GNAI1: variants seen among roughly 807,000 people sequenced by gnomAD.
The protein encoded by GNAI1 is guanine nucleotide-binding protein G(i) subunit alpha-1.
GNAI1 carries 11 observed loss-of-function variants against 38.9 expected under a neutral mutation model. The observed-to-expected ratio is 0.28, with a 90% confidence interval of 0.18 to 0.47. The LOEUF (loss-of-function observed/expected upper bound fraction) is 0.47. GNAI1 is among the 20% of genes least tolerant of loss of function. The pLI is 0.99. For synonymous variants in GNAI1, 166 were observed against 145.1 expected (o/e 1.14, Z -1.04); for missense variants, 317 against 436.9 (o/e 0.73, Z 2.45).
rs767761770 is a variant in GNAI1, at chr7:80,149,557, C to T, written c.118+14279C>T. Among the ~76,000 whole-genome samples the T allele has an allele frequency of 5.3e-5, 8 of 152,098 alleles. No homozygotes were observed. In the East Asian group the frequency reaches 1.5e-3, roughly 29 times the overall value. The stretch of plus-strand genomic sequence containing the variant: ...GGATAACAATGGCTTCCCATTGTTA[C>T]TTTAATCTGCAATTTTGGATTTGCT... On this transcript the variant is annotated intron_variant, in intron 1 of 7. Coordinates refer to ENST00000649796, the MANE Select transcript of GNAI1 (RefSeq NM_002069.6).
In GNAI1 at chr7:80,220,233, ATTAC is replaced by A. The variant is rs58476002; in HGVS notation, c.*2746_*2749del. On this transcript the variant is annotated 3_prime_UTR_variant, in exon 8 of 8. Coordinates refer to ENST00000649796, the MANE Select transcript of GNAI1 (RefSeq NM_002069.6). ...ACCTGGGCTTTCCTCCAAGTACTGT[ATTAC>A]TTACTACATGTGATATGCTTAGAGC... 0.27 allele frequency among the ~76,000 whole-genome samples: 40,264 copies of A among 151,938 alleles called. 6,630 individuals are homozygous for A. The highest frequency in any genetic ancestry group is 0.47 in the African/African-American group (19,429 of 41,344).
At chr7:80,206,984 AG>A (rs1302383099) in intron 5 of GNAI1, among the ~76,000 whole-genome samples, 1 of 152,064 alleles carries the variant, frequency 6.6e-6, no homozygotes, top group African/African-American at 2.4e-5. Flanking sequence ...ACCAGGAGTA[AG>A]GGGGAGCTAC....
At chr7:80,215,023 ACT>A (rs1321306836) in intron 7 of GNAI1, among the ~76,000 whole-genome samples, 1 of 150,924 alleles carries the variant, frequency 6.6e-6, no homozygotes, top group African/African-American at 2.4e-5. Flanking sequence ...CTCAAACAGA[ACT>A]CTTTTTCTTG....
At chr7:80,149,404 G>T (rs942165970) in intron 1 of GNAI1, among the ~76,000 whole-genome samples, 1 of 152,040 alleles carries the variant, frequency 6.6e-6, no homozygotes, top group Admixed American at 6.6e-5. Context: ...TAAAGCTTAT[G>T]ATGTGTATAG....
intron 1 of GNAI1, among the ~76,000 whole-genome samples, chr7:80,184,754 G>T (rs1788360726): frequency 6.6e-6 from 1 of 152,126 alleles, no homozygotes; most frequent in African/African-American, 2.4e-5. Context: ...CTGGTCAGGT[G>T]GAACCCTCTC....
At chr7:80,147,183 G>A (rs1666907828) in intron 1 of GNAI1, among the ~76,000 whole-genome samples, 1 of 152,084 alleles carries the variant, frequency 6.6e-6, no homozygotes, top group Admixed American at 6.6e-5. Flanking sequence ...GGTAATGTTT[G>A]TGATAAAATT....
At chr7:80,204,553 GT>G (rs1788740585) in intron 5 of GNAI1, among the ~76,000 whole-genome samples, 1 of 152,148 alleles carries the variant, frequency 6.6e-6, no homozygotes, top group South Asian at 2.1e-4. Flanking sequence ...GAGGAGAACT[GT>G]TGGACTTAAA....
intron 3 of GNAI1, among the ~76,000 whole-genome samples, chr7:80,190,810 G>T (rs1361008262): frequency 1.3e-5 from 2 of 152,138 alleles, no homozygotes; most frequent in African/African-American, 4.8e-5. Context: ...AGGAGATCAT[G>T]AAGGGTCAAT....
intron 6 of GNAI1, among the ~76,000 whole-genome samples, chr7:80,212,494 G>A (rs553220855): frequency 2.0e-5 from 3 of 152,316 alleles, no homozygotes; most frequent in Admixed American, 1.3e-4. Flanking sequence ...CATATAGTGG[G>A]CACTTGGCAA....
At chr7:80,186,478 TAGC>T (rs1040209661) in intron 1 of GNAI1, among the ~76,000 whole-genome samples, 4 of 152,208 alleles carry the variant, frequency 2.6e-5, no homozygotes, top group African/African-American at 7.2e-5. Flanking sequence ...TAATATCTAA[TAGC>T]AGGAAAATTT....
intron 1 of GNAI1, among the ~76,000 whole-genome samples, chr7:80,179,262 G>A (rs1017778075): frequency 6.6e-6 from 1 of 152,056 alleles, no homozygotes; most frequent in Non-Finnish European, 1.5e-5. Context: ...TCCATCTTTA[G>A]CATGCATCAG....
rs1158700818 is a variant in GNAI1, at chr7:80,223,108, C to A, written c.*5615C>A. ...TTTCTAACTGAATGCATACCAGTTT[C>A]GCACCAATGTAAAGTTGAAAAATTG... On this transcript the variant is annotated 3_prime_UTR_variant, in exon 8 of 8. Coordinates refer to ENST00000649796, the MANE Select transcript of GNAI1 (RefSeq NM_002069.6). 6.6e-6 allele frequency among the ~76,000 whole-genome samples: 1 copy of A among 152,140 alleles called. No individual in the cohort carries two copies. The highest frequency in any genetic ancestry group is 1.5e-5 in the Non-Finnish European group (1 of 68,024).
chr7:80,226,141 G>A lies in GNAI1; in HGVS notation c.*8648G>A, dbSNP rs574727960. Among the ~76,000 whole-genome samples the A allele has an allele frequency of 6.6e-6, 1 of 151,962 alleles. No individual in the cohort carries two copies. The highest frequency in any genetic ancestry group is 1.5e-5 in the Non-Finnish European group (1 of 67,994). The stretch of plus-strand genomic sequence containing the variant: ...TTTATATCAACTTAATTGTCTTTTG[G>A]TTTAAAATTATGTATCCAATAAAGA... On this transcript the variant is annotated 3_prime_UTR_variant, in exon 8 of 8. Coordinates refer to ENST00000649796, the MANE Select transcript of GNAI1 (RefSeq NM_002069.6).
In GNAI1 at chr7:80,175,261, C is replaced by T. The variant is rs573193394; in HGVS notation, c.119-13690C>T. Among the ~76,000 whole-genome samples, 55 of 152,194 alleles carry T rather than the reference C, an allele frequency of 3.6e-4. No individual in the cohort carries two copies. In the East Asian group the frequency reaches 9.8e-3, roughly 27 times the overall value. ...AAATAAAAATATTTAAAAACTTGTT[C>T]CTGCTACTGGCATCTCGGCGTCTTC... On this transcript the variant is annotated intron_variant, in intron 1 of 7. Transcript: ENST00000649796.
At chr7:80,186,788 A>G (rs999762975) in intron 1 of GNAI1, among the ~76,000 whole-genome samples, 1 of 152,144 alleles carries the variant, frequency 6.6e-6, no homozygotes, top group Admixed American at 6.5e-5. Flanking sequence ...ACAGTACTCT[A>G]GAAACCCAGA....
Position 80,203,650 on chromosome 7 carries a change from A to G in GNAI1, c.462-54A>G, listed in dbSNP as rs1788726453. The G allele has an allele frequency of 4.4e-6, 5 of 1,138,578 alleles. No individual in the cohort carries two copies. In the Admixed American group the frequency reaches 1.2e-4, roughly 27 times the overall value. The allele number at this position is 1,138,578 out of a possible 1,614,324, so 70.5% of individuals were successfully genotyped here. On this transcript the variant is annotated intron_variant, in intron 4 of 7. Coordinates refer to ENST00000649796, the MANE Select transcript of GNAI1 (RefSeq NM_002069.6). The stretch of plus-strand genomic sequence containing the variant: ...TGTGTTTTAATTTTTGTTTTGGATG[A>G]TCTTTATTGGCTATATTTACCATTA...
intron 1 of GNAI1, among the ~76,000 whole-genome samples, chr7:80,151,571 A>G (rs548123957): frequency 2.0e-5 from 3 of 152,230 alleles, no homozygotes; most frequent in East Asian, 1.9e-4. Context: ...CTCTAATTGC[A>G]AAGTCCTCAT....
intron 5 of GNAI1, among the ~76,000 whole-genome samples, chr7:80,204,621 C>T (rs888742356): frequency 2.6e-5 from 4 of 152,136 alleles, no homozygotes; most frequent in Non-Finnish European, 5.9e-5. Context: ...TACAGCCTTC[C>T]TGGTCAGTTA....
chr7:80,203,677 C>T (rs575020607), intron 4 of GNAI1, 27 bp from the exon 5 acceptor site: 6 of 1,464,916 alleles, frequency 4.1e-6, no homozygotes, highest in African/African-American at 2.8e-5. Flanking sequence ...TTACCATTAA[C>T]ATGTTGTTTT....
Sources: gnomAD v4.1 joint callset for allele counts (sites outside exome capture counted in the v4.1 genomes callset) on GRCh38, gnomAD v4.1.1 for gene constraint, MANE v1.5 for transcripts, NCBI Gene and HGNC (gene_info 2026-07-23, HGNC 2026-07-21) for gene names.